ZNRF1: variants seen among roughly 807,000 people sequenced by gnomAD.
ZNRF1 encodes zinc and ring finger 1.
Under a neutral mutation model 18.4 loss-of-function variants are expected in ZNRF1, and 3 were observed. The observed-to-expected ratio is 0.16, with a 90% confidence interval of 0.07 to 0.42. The LOEUF is 0.42. Among genes scored for constraint, ZNRF1 ranks in the 10% least tolerant of loss-of-function variants. The pLI is 0.99. For missense variants in ZNRF1, 310 were observed against 329.8 expected (o/e 0.94, Z 0.47); for synonymous variants, 157 against 144.2 (o/e 1.09, Z -0.64).
At chr16:75,068,862 C>G (rs2035835196) in intron 1 of ZNRF1, among the ~76,000 whole-genome samples, 1 of 152,036 alleles carries the variant, frequency 6.6e-6, no homozygotes, top group Non-Finnish European at 1.5e-5. Context: ...TATTCCCTTA[C>G]TTGTCTGAGT....
chr16:75,053,045 C>T (rs1330285486), intron 1 of ZNRF1, among the ~76,000 whole-genome samples: 1 of 152,146 alleles, frequency 6.6e-6, no homozygotes, highest in Non-Finnish European at 1.5e-5. Flanking sequence ...AGGGAGGAGC[C>T]TCCTGAGCAA....
chr16:75,081,692 A>C (rs1456270869), intron 1 of ZNRF1, among the ~76,000 whole-genome samples: 1 of 152,208 alleles, frequency 6.6e-6, no homozygotes, highest in Non-Finnish European at 1.5e-5. Flanking sequence ...CGTGATGTTC[A>C]GTCGAATGAC....
Position 75,027,997 on chromosome 16 carries a change from C to T in ZNRF1, c.424+27902C>T, listed in dbSNP as rs184825138. 1.7e-3 allele frequency among the ~76,000 whole-genome samples: 261 copies of T among 152,290 alleles called. 1 individual carries two copies. Among genetic ancestry groups the T allele is most frequent in the African/African-American group, 5.5e-3 (230 of 41,570 alleles). ...AATGGCACTCGCCACCGTATCCACC[C>T]ACGTGCTTGTATATCTGCCTTTTCC... is the stretch of plus-strand genomic sequence containing the variant. On this transcript the variant is annotated intron_variant, in intron 1 of 4. Coordinates refer to ENST00000335325, the MANE Select transcript of ZNRF1 (RefSeq NM_032268.5).
chr16:75,099,487 C>T (rs2036232921), intron 2 of ZNRF1, among the ~76,000 whole-genome samples: 1 of 152,140 alleles, frequency 6.6e-6, no homozygotes, highest in Non-Finnish European at 1.5e-5. Context: ...GTTAGAGGGA[C>T]AGGCACTGAC....
Position 75,105,012 on chromosome 16 carries a change from G to A in ZNRF1, c.626+123G>A, listed in dbSNP as rs1045775983. 48 of 788,420 alleles carry A rather than the reference G, an allele frequency of 6.1e-5. No individual in the cohort carries two copies. The African/African-American group carries it at 6.8e-4, about 11-fold the overall frequency. 48.8% of individuals were successfully genotyped at this position (788,420 alleles called of 1,614,324 possible). ...TCTCCCCCGACCTCTGGCTCCGAGC[G>A]GGTAAGGGCAGAGGCCATCAGACAG... On this transcript the variant is annotated intron_variant, in intron 3 of 4. Transcript: ENST00000335325.
chr16:75,042,773 T>C lies in ZNRF1; in HGVS notation c.424+42678T>C, dbSNP rs146872599. 7.9e-4 allele frequency among the ~76,000 whole-genome samples: 120 copies of C among 152,166 alleles called. 1 individual carries two copies. The highest frequency in any genetic ancestry group is 2.8e-3 in the African/African-American group (116 of 41,392). ...GATCAGCCTGTTGATTTCTGCAGAA[T>C]GGTTTTTGAATCCTGATATTTTTTC... On this transcript the variant is annotated intron_variant, in intron 1 of 4. Coordinates refer to ENST00000335325, the MANE Select transcript of ZNRF1 (RefSeq NM_032268.5).
At chr16:75,092,483 G>A (rs1164508916) in intron 1 of ZNRF1, among the ~76,000 whole-genome samples, 1 of 152,234 alleles carries the variant, frequency 6.6e-6, no homozygotes, top group Non-Finnish European at 1.5e-5. Context: ...TAAGATTTCA[G>A]TGGCAACAGA....
chr16:75,041,610 G>A (rs1316847414), intron 1 of ZNRF1, among the ~76,000 whole-genome samples: 3 of 152,018 alleles, frequency 2.0e-5, no homozygotes, highest in Admixed American at 6.6e-5. Context: ...GATTACAGGC[G>A]TGAGCCACCG....
intron 1 of ZNRF1, among the ~76,000 whole-genome samples, chr16:75,033,569 G>C (rs754727491): frequency 1.3e-5 from 2 of 151,472 alleles, no homozygotes; most frequent in Non-Finnish European, 2.9e-5. Context: ...CCTCCAAGTA[G>C]CTGAGATTAC....
In ZNRF1 at chr16:75,110,669, G is replaced by T. The variant is rs1295302804; in HGVS notation, c.*2969G>T. 5 of 152,252 alleles carry T rather than the reference G, an allele frequency of 3.3e-5. No individual in the cohort carries two copies. Among genetic ancestry groups the T allele is most frequent in the Non-Finnish European group, 7.3e-5 (5 of 68,050 alleles). 9.4% of individuals were successfully genotyped at this position (152,252 alleles called of 1,614,324 possible). On this transcript the variant is annotated 3_prime_UTR_variant, in exon 5 of 5. Transcript: ENST00000335325. ...GTGTACTTGTTCTTTCAACTTTTCT[G>T]TATGTTTGGAATTTTTCTTAATAAA...
At chr16:75,056,420 G>A (rs746120464) in intron 1 of ZNRF1, among the ~76,000 whole-genome samples, 3 of 152,160 alleles carry the variant, frequency 2.0e-5, no homozygotes, top group Non-Finnish European at 4.4e-5. Flanking sequence ...TAAAAGTGAG[G>A]TATAAGATTA....
intron 1 of ZNRF1, among the ~76,000 whole-genome samples, chr16:75,000,673 GCT>G (rs1402842116): frequency 6.6e-6 from 1 of 152,224 alleles, no homozygotes; most frequent in Admixed American, 6.5e-5. Context: ...AGGTGTGGCT[GCT>G]GTACGGAGGG....
At chr16:75,055,406 C>G (rs991036013) in intron 1 of ZNRF1, among the ~76,000 whole-genome samples, 7 of 152,226 alleles carry the variant, frequency 4.6e-5, no homozygotes, top group African/African-American at 1.7e-4. Flanking sequence ...ATCTCACCTT[C>G]TTGCAGCAGA....
In ZNRF1 at chr16:74,999,669, A is replaced by T; in HGVS notation, c.-3A>T. On this transcript the variant is annotated 5_prime_UTR_variant, in exon 1 of 5. Transcript: ENST00000335325. ...TTCCCGCCCCACCGGGGCCCGGGCG[A>T]GCATGGGGGGCAAGCAGAGCACGGC... 1 of 1,332,172 alleles carries T rather than the reference A, an allele frequency of 7.5e-7. No homozygotes were observed. 82.5% of individuals were successfully genotyped at this position (1,332,172 alleles called of 1,614,324 possible).
At chr16:75,104,035 G>A (rs1330834633) in intron 2 of ZNRF1, 1 of 152,256 alleles carries the variant, frequency 6.6e-6, no homozygotes, top group East Asian at 1.9e-4. Flanking sequence ...CCATTAAGCA[G>A]TCACTCCCCA....
At chr16:75,106,807 A>C (rs2036321381) in intron 4 of ZNRF1, 1 of 468,354 alleles carries the variant, frequency 2.1e-6, no homozygotes, top group Non-Finnish European at 3.9e-6. Context: ...AGTTAGGATC[A>C]GTTGGGGAAG....
chr16:75,030,908 T>G (rs1303546420), intron 1 of ZNRF1, among the ~76,000 whole-genome samples: 2 of 149,068 alleles, frequency 1.3e-5, no homozygotes, highest in Admixed American at 6.9e-5. Flanking sequence ...TGGCGTGATT[T>G]CGGTTCACTG....
chr16:75,016,566 T>G (rs1330434790), intron 1 of ZNRF1, among the ~76,000 whole-genome samples: 6 of 142,978 alleles, frequency 4.2e-5, no homozygotes, highest in Non-Finnish European at 9.2e-5. Flanking sequence ...GACAGAGTCT[T>G]GCTCTGTCAC....
chr16:75,106,080 C>G (rs2145432824), intron 3 of ZNRF1: 1 of 182,612 alleles, frequency 5.5e-6, no homozygotes, highest in Non-Finnish European at 1.2e-5. Context: ...TCCTGCCATG[C>G]CATTGTTCCC....
Sources: allele counts gnomAD v4.1 joint callset (sites outside exome capture counted in the v4.1 genomes callset), GRCh38; gene constraint gnomAD v4.1.1; transcripts MANE v1.5; gene names NCBI Gene and HGNC (gene_info 2026-07-23, HGNC 2026-07-21).